The following MICAL2 variants were observed in gnomAD, a reference collection of about 807,000 sequenced individuals.
The protein encoded by MICAL2 is microtubule associated monooxygenase, calponin and LIM domain containing 2.
Under a neutral mutation model 127.3 loss-of-function variants are expected in MICAL2, and 77 were observed. The observed-to-expected ratio is 0.60, with a 90% confidence interval of 0.50 to 0.73. The LOEUF is 0.73. Among genes scored for constraint, MICAL2 ranks in the 30% least tolerant of loss-of-function variants. The pLI is 0.00. For synonymous variants in MICAL2, 570 were observed against 551.1 expected (o/e 1.03, Z -0.48); for missense variants, 1,351 against 1,434.4 (o/e 0.94, Z 0.94).
At position 12,323,929 on chromosome 11, in the gene MICAL2, C is replaced by T. The variant is rs115936475; in HGVS notation, c.5329-49C>T. ...GCCTATAACGATATTTTGTAAATTT[C>T]AACCCCATTTTTCTCTGACATAATT... On this transcript the variant is annotated intron_variant, in intron 30 of 34. Coordinates refer to the MICAL2 transcript ENST00000646065. The T allele has an allele frequency of 2.7e-4, 430 of 1,570,544 alleles. No homozygotes were observed. In the African/African-American group the frequency reaches 5.2e-3, roughly 19 times the overall value.
chr11:12,289,563 T>TG (rs1863870613), downstream of MICAL2, among the ~76,000 whole-genome samples: 1 of 32,500 alleles, frequency 3.1e-5, no homozygotes, highest in African/African-American at 5.5e-5. Context: ...CTTGTTTTTT[T>TG]TTGTTTTTTT....
chr11:12,309,700 T>C (rs2403607), intron 29 of MICAL2, among the ~76,000 whole-genome samples: 61,825 of 152,028 alleles, frequency 0.41, 15,055 homozygotes, highest in Non-Finnish European at 0.56. Flanking sequence ...GCAGTAGGCC[T>C]GCTAGATCAT....
At chr11:12,244,148 T>C (rs1565237565) in intron 21 of MICAL2, 36 bp downstream of exon 21, 1 of 1,612,956 alleles carries the variant, frequency 6.2e-7, no homozygotes, top group Non-Finnish European at 8.5e-7. Flanking sequence ...CCCTATTCCC[T>C]GCATGTTCCC....
intron 32 of MICAL2, among the ~76,000 whole-genome samples, chr11:12,339,762 A>G (rs1223529582): frequency 6.6e-6 from 1 of 152,054 alleles, no homozygotes; most frequent in Non-Finnish European, 1.5e-5. Context: ...AGAACAGCGG[A>G]TATTGGTGAA....
At chr11:12,315,435 G>A (rs1354124596) in intron 29 of MICAL2, among the ~76,000 whole-genome samples, 1 of 152,078 alleles carries the variant, frequency 6.6e-6, no homozygotes, top group African/African-American at 2.4e-5. Context: ...GACAGAGTGA[G>A]ACTCTGTCTC....
At chr11:12,299,227 A>G (rs1249505177) in intron 29 of MICAL2, among the ~76,000 whole-genome samples, 2 of 152,144 alleles carry the variant, frequency 1.3e-5, no homozygotes, top group East Asian at 3.8e-4. Flanking sequence ...GTATCCTAAG[A>G]ATGTAAAGAT....
chr11:12,167,252 G>A (rs1354954399), intron 3 of MICAL2, among the ~76,000 whole-genome samples: 1 of 146,192 alleles, frequency 6.8e-6, no homozygotes, highest in Non-Finnish European at 1.5e-5. Flanking sequence ...CAGGAATCAG[G>A]CCAGCGTATG....
At chr11:12,361,122 A>C (rs1054475014), downstream of MICAL2, among the ~76,000 whole-genome samples, 1 of 152,202 alleles carries the variant, frequency 6.6e-6, no homozygotes, top group African/African-American at 2.4e-5. Flanking sequence ...TAGGACTCTG[A>C]ATGGGACAGA....
At position 12,158,940 on chromosome 11, in the gene MICAL2, G is replaced by C. The variant is rs1854482676; in HGVS notation, c.-77-3139G>C. The stretch of plus-strand genomic sequence containing the variant: ...GGAAAGCTACCCGCCATGGGTGTTA[G>C]AGTCATTTTTAAGGTCTGTGACCTA... On this transcript the variant is annotated intron_variant, in intron 2 of 27. Transcript: ENST00000683283. 2.6e-5 allele frequency among the ~76,000 whole-genome samples: 4 copies of C among 152,226 alleles called. No individual in the cohort carries two copies. In the South Asian group the frequency reaches 6.2e-4, roughly 24 times the overall value.
At chr11:12,128,175 G>C (rs1191364626) in intron 1 of MICAL2, among the ~76,000 whole-genome samples, 1 of 152,206 alleles carries the variant, frequency 6.6e-6, no homozygotes, top group African/African-American at 2.4e-5. Context: ...TGTGGGTGTA[G>C]GTTAGTGGCA....
At chr11:12,204,965 G>A (rs183730130) in intron 4 of MICAL2, among the ~76,000 whole-genome samples, 7 of 152,318 alleles carry the variant, frequency 4.6e-5, no homozygotes, top group East Asian at 3.9e-4. Flanking sequence ...ATTGTGCATC[G>A]TGCTGGTGTT....
chr11:12,303,611 C>T (rs991690622), intron 29 of MICAL2: 21 of 152,172 alleles, frequency 1.4e-4, no homozygotes, highest in Admixed American at 7.2e-4. Flanking sequence ...ATTCTTGGCT[C>T]AGTGCAGTGG....
chr11:12,255,729 C>G lies in MICAL2; in HGVS notation c.2934C>G (p.Ala978=). Residue 978 remains alanine (A), a synonymous_variant, in exon 23 of 28, where the codon GCC becomes GCG. Transcript: ENST00000683283. ...NLYMNDHRPK[A]QATSPDLESM... is the part of the protein sequence containing the mutation. Reference sequence around the variant, plus strand: ...ACATGAATGATCACAGACCTAAGGCCCAGGCCACCTCTCCAGACCTGGTAA... The same window carrying G: ...ACATGAATGATCACAGACCTAAGGCGCAGGCCACCTCTCCAGACCTGGTAA... 1 of 1,613,768 alleles carries G rather than the reference C, an allele frequency of 6.2e-7. No individual in the cohort carries two copies.
Position 12,222,665 on chromosome 11 carries a change from C to T in MICAL2, c.1371C>T (p.Asn457=). 6.2e-7 allele frequency: 1 copy of T among 1,614,242 alleles called. No homozygotes were observed. Among genetic ancestry groups the T allele is most frequent in the Non-Finnish European group, 8.5e-7 (1 of 1,180,038 alleles). ...CTCAGACAACCCCGGAGAACATCAACAAGAACTTTGAGCAGTACACGTTGG... is the reference window on the plus strand; with the variant it reads ...CTCAGACAACCCCGGAGAACATCAATAAGAACTTTGAGCAGTACACGTTGG... ...LLPQTTPENI[N]KNFEQYTLDP... The change falls in exon 11 of 28, where the codon AAC becomes AAT. Residue 457 remains asparagine (N), a synonymous_variant. Coordinates refer to ENST00000683283, the MANE Select transcript of MICAL2 (RefSeq NM_001282663.2).
At chr11:12,354,447 G>T in intron 33 of MICAL2, among the ~76,000 whole-genome samples, 1 of 148,608 alleles carries the variant, frequency 6.7e-6, no homozygotes, top group East Asian at 2.0e-4. Context: ...AGTCCAGCCT[G>T]GGTGACAAGA....
intron 2 of MICAL2, among the ~76,000 whole-genome samples, chr11:12,139,051 T>C (rs1852097448): frequency 6.6e-6 from 1 of 152,116 alleles, no homozygotes. Context: ...TCTGTAACCT[T>C]ATAATTAGAA....
downstream of MICAL2, chr11:12,293,860 G>C (rs10741579): frequency 0.93 from 1,489,028 of 1,608,346 alleles, 689,640 homozygotes; most frequent in East Asian, 0.95. Flanking sequence ...GCTGGACAGG[G>C]CAAGAGCTAT....
At chr11:12,184,777 T>C (rs1320575254) in intron 3 of MICAL2, among the ~76,000 whole-genome samples, 1 of 151,906 alleles carries the variant, frequency 6.6e-6, no homozygotes, top group Admixed American at 6.5e-5. Flanking sequence ...CAGTTTCCAA[T>C]GCCCCTGTCT....
At chr11:12,330,575 G>C (rs1042374490) in intron 32 of MICAL2, among the ~76,000 whole-genome samples, 1 of 152,042 alleles carries the variant, frequency 6.6e-6, no homozygotes, top group Non-Finnish European at 1.5e-5. Flanking sequence ...CGGGATGGAG[G>C]GCAATGATGG....
Sources: gnomAD v4.1 joint callset for allele counts (sites outside exome capture counted in the v4.1 genomes callset) on GRCh38, gnomAD v4.1.1 for gene constraint, MANE v1.5 for transcripts, NCBI Gene and HGNC (gene_info 2026-07-23, HGNC 2026-07-21) for gene names.